LOC112694756: variants seen among roughly 807,000 people sequenced by gnomAD.
chr16:30,059,142 C>A, the LOC112694756 span: 1 of 395,472 alleles, frequency 2.5e-6, no homozygotes, highest in South Asian at 1.3e-4. Context: ...TACAAGTTCT[C>A]ATATGATTCT....
the LOC112694756 span, chr16:30,068,674 G>A: frequency 1.8e-5 from 29 of 1,614,068 alleles, no homozygotes; most frequent in Non-Finnish European, 2.5e-5. Context: ...CCCCTGGCAG[G>A]GACAAATGGC....
chr16:30,054,207 C>G, the LOC112694756 span, among the ~76,000 whole-genome samples: 2 of 152,152 alleles, frequency 1.3e-5, no homozygotes, highest in Non-Finnish European at 2.9e-5. Flanking sequence ...GTAATCCCAG[C>G]TACTAGGGAG....
the LOC112694756 span, chr16:30,067,937 A>G: frequency 5.8e-6 from 3 of 521,406 alleles, no homozygotes; most frequent in South Asian, 6.3e-5. Flanking sequence ...AATTCACTCA[A>G]CATTTCTGTT....
At chr16:30,070,103 C>G in the LOC112694756 span, 1 of 1,613,820 alleles carries the variant, frequency 6.2e-7, no homozygotes, top group African/African-American at 1.3e-5. Context: ...CACTCCACCC[C>G]TCTCCCTGCT....
chr16:30,067,319 G>T, the LOC112694756 span: 1 of 1,613,388 alleles, frequency 6.2e-7, no homozygotes, highest in Non-Finnish European at 8.5e-7. Context: ...ATCGCTCACC[G>T]CATCGTGGCA....
chr16:30,069,409 A>G, the LOC112694756 span: 1 of 1,613,948 alleles, frequency 6.2e-7, no homozygotes, highest in Non-Finnish European at 8.5e-7. Flanking sequence ...TACCTGCCTG[A>G]CCAGTGCAAG....
the LOC112694756 span, chr16:30,069,292 C>A: frequency 6.2e-7 from 1 of 1,614,056 alleles, no homozygotes; most frequent in East Asian, 2.2e-5. Flanking sequence ...GTGACCCTGT[C>A]CCTCGCCCTG....
At chr16:30,066,771 G>A in the LOC112694756 span, 1 of 1,233,136 alleles carries the variant, frequency 8.1e-7, no homozygotes, top group Non-Finnish European at 1.1e-6. Context: ...TTGCTGTGTG[G>A]CTTGAAGCAC....
At chr16:30,068,681 T>C in the LOC112694756 span, 1 of 1,614,206 alleles carries the variant, frequency 6.2e-7, no homozygotes, top group Non-Finnish European at 8.5e-7. Context: ...CAGGGACAAA[T>C]GGCGAGACTA....
At chr16:30,068,693 C>T in the LOC112694756 span, 2 of 1,614,118 alleles carry the variant, frequency 1.2e-6, no homozygotes, top group East Asian at 2.2e-5. Flanking sequence ...GCGAGACTAC[C>T]ACCCAAGGTG....
chr16:30,070,151 C>G, the LOC112694756 span: 4 of 1,613,982 alleles, frequency 2.5e-6, no homozygotes, highest in African/African-American at 1.3e-5. Context: ...AAGTACACTC[C>G]GAGCGGTCAG....
chr16:30,061,576 T>G, the LOC112694756 span, among the ~76,000 whole-genome samples: 2 of 146,702 alleles, frequency 1.4e-5, no homozygotes, highest in African/African-American at 5.1e-5. Context: ...TTTTTTTTTT[T>G]TGAGGCAGAG....
At chr16:30,059,645 C>T in the LOC112694756 span, among the ~76,000 whole-genome samples, 1 of 151,592 alleles carries the variant, frequency 6.6e-6, no homozygotes, top group East Asian at 2.0e-4. Context: ...TCACTGCAAC[C>T]TCCGTCCCCC....
At chr16:30,053,651 C>CAGG in the LOC112694756 span, among the ~76,000 whole-genome samples, 1 of 152,164 alleles carries the variant, frequency 6.6e-6, no homozygotes, top group African/African-American at 2.4e-5. Flanking sequence ...AGGAAGAGTC[C>CAGG]AGGAATGGAC....
At chr16:30,069,171 C>A in the LOC112694756 span, 1 of 1,332,138 alleles carries the variant, frequency 7.5e-7, no homozygotes, top group Non-Finnish European at 1.1e-6. Context: ...CGGCTCTTGT[C>A]TCCTGTAATC....
chr16:30,063,806 C>T, the LOC112694756 span: 2 of 399,360 alleles, frequency 5.0e-6, no homozygotes, highest in Non-Finnish European at 8.8e-6. Flanking sequence ...ACTGCCAGAG[C>T]CTCAACTGTC....
At chr16:30,069,422 G>A in the LOC112694756 span, 2 of 1,613,866 alleles carry the variant, frequency 1.2e-6, no homozygotes. Flanking sequence ...AGTGCAAGGT[G>A]GCTGGCCGGG....
At chr16:30,061,983 A>G in the LOC112694756 span, among the ~76,000 whole-genome samples, 3 of 149,298 alleles carry the variant, frequency 2.0e-5, no homozygotes, top group African/African-American at 7.4e-5. Context: ...TGGGCGGATC[A>G]CCTGAGGTCA....
the LOC112694756 span, among the ~76,000 whole-genome samples, chr16:30,060,808 T>C: frequency 6.6e-6 from 1 of 152,036 alleles, no homozygotes; most frequent in African/African-American, 2.4e-5. Flanking sequence ...CTCTCCCCCT[T>C]CCACCATGAC....
Sources: allele counts gnomAD v4.1 joint callset (sites outside exome capture counted in the v4.1 genomes callset), GRCh38; gene constraint gnomAD v4.1.1; transcripts MANE v1.5.